PLIN3: variants seen among roughly 807,000 people sequenced by gnomAD.
PLIN3 encodes the protein perilipin 3.
PLIN3 carries 30 observed loss-of-function variants against 35.9 expected under a neutral mutation model. The ratio of observed to expected loss-of-function variants is 0.84; its 90% CI spans 0.62 to 1.13. PLIN3 has a LOEUF of 1.13. PLIN3 is among the 50% of genes most tolerant of loss of function. PLIN3 has a pLI of 0.00. For missense variants in PLIN3, 603 were observed against 596.9 expected (o/e 1.01, Z -0.11); for synonymous variants, 261 against 262.5 (o/e 0.99, Z 0.06).
chr19:4,857,017 T>C (rs10421386), intron 4 of PLIN3, among the ~76,000 whole-genome samples: 94,835 of 151,862 alleles, frequency 0.62, 30,113 homozygotes, highest in East Asian at 0.83. Flanking sequence ...TGCCTCATTT[T>C]TTCATCCCAG....
chr19:4,860,209 TTTTTA>T (rs1317923650), intron 2 of PLIN3, among the ~76,000 whole-genome samples, 185 bp from the exon 3 acceptor site: 1 of 151,888 alleles, frequency 6.6e-6, no homozygotes, highest in Non-Finnish European at 1.5e-5. Flanking sequence ...GCTTCCTTTA[TTTTTA>T]TTTTATTTTT....
chr19:4,863,585 G>A (rs1404786769), intron 1 of PLIN3, among the ~76,000 whole-genome samples: 4 of 150,692 alleles, frequency 2.7e-5, no homozygotes, highest in Middle Eastern at 3.6e-3. Context: ...TTGGGAGGCC[G>A]AGGCAGGAGG....
intron 6 of PLIN3, among the ~76,000 whole-genome samples, chr19:4,845,695 C>T (rs934267254): frequency 2.0e-5 from 3 of 151,860 alleles, no homozygotes; most frequent in Admixed American, 1.3e-4. Flanking sequence ...GAGGCCGAGG[C>T]GGGTGGATCA....
At position 4,859,919 on chromosome 19, in the gene PLIN3, T is replaced by G; in HGVS notation, c.172A>C (p.Thr58Pro). 1 of 1,613,956 alleles carries G rather than the reference T, an allele frequency of 6.2e-7. No homozygotes were observed. The highest frequency in any genetic ancestry group is 8.5e-7 in the Non-Finnish European group (1 of 1,179,978). ...CCCTTCTCTGCTGCGTCGCAGACAG[T>G]CTTGATGTGCGGGTAGCTCTCCTTG... is the stretch of plus-strand genomic sequence containing the variant. Reference protein sequence around the residue: ...STKESYPHIKTVCDAAEKGVR... With the variant: ...STKESYPHIKPVCDAAEKGVR... The change falls in exon 3 of 8, where the codon ACT (threonine) becomes CCT (proline). Residue 58 changes from threonine (T) to proline (P), a missense_variant. Physicochemically the swap from Thr to Pro is conservative, Grantham distance 38. Coordinates refer to ENST00000221957, the MANE Select transcript of PLIN3 (RefSeq NM_005817.5).
intron 5 of PLIN3, among the ~76,000 whole-genome samples, chr19:4,848,180 C>T (rs1450517605): frequency 6.6e-6 from 1 of 152,092 alleles, no homozygotes; most frequent in Non-Finnish European, 1.5e-5. Flanking sequence ...GACGGGGTTT[C>T]ACCATGTTGG....
At chr19:4,860,070 G>A (rs1411761337) in intron 2 of PLIN3, 46 bp from the exon 3 acceptor site, 1 of 1,578,712 alleles carries the variant, frequency 6.3e-7, no homozygotes, top group Non-Finnish European at 8.7e-7. Flanking sequence ...GGGAAGATGG[G>A]GAGCTCAGCC....
chr19:4,843,261 C>T (rs1425554539), intron 7 of PLIN3, among the ~76,000 whole-genome samples: 1 of 151,882 alleles, frequency 6.6e-6, no homozygotes, highest in East Asian at 1.9e-4. Context: ...AATCCCAGCA[C>T]TTTGGGAGGC....
chr19:4,858,811 C>T (rs1226522348), intron 4 of PLIN3, among the ~76,000 whole-genome samples: 2 of 148,628 alleles, frequency 1.3e-5, no homozygotes, highest in Non-Finnish European at 3.0e-5. Flanking sequence ...AAGAAATTCT[C>T]CTGCCTCAGC....
At chr19:4,865,619 C>T (rs529973744) in intron 1 of PLIN3, among the ~76,000 whole-genome samples, 68 of 152,198 alleles carry the variant, frequency 4.5e-4, no homozygotes, top group Admixed American at 1.8e-3. Flanking sequence ...GAGGCCCCAC[C>T]TCCTGGTGGC....
At chr19:4,840,946 A>AAAAC (rs1016733163) in intron 7 of PLIN3, among the ~76,000 whole-genome samples, 4 of 152,158 alleles carry the variant, frequency 2.6e-5, no homozygotes, top group Admixed American at 1.3e-4. Context: ...CTCTGTCTCA[A>AAAAC]AAACAAACAA....
intron 7 of PLIN3, 29 bp from the exon 8 acceptor site, chr19:4,839,565 G>C (rs1276273173): frequency 1.4e-6 from 2 of 1,463,800 alleles, no homozygotes; most frequent in Non-Finnish European, 1.8e-6. Context: ...ACACCAATCA[G>C]GACCATTTGT....
At chr19:4,849,265 AC>A (rs2030206873) in intron 5 of PLIN3, among the ~76,000 whole-genome samples, 1 of 151,440 alleles carries the variant, frequency 6.6e-6, no homozygotes, top group African/African-American at 2.4e-5. Flanking sequence ...GAGCCATTGC[AC>A]CTGGCTTCCT....
intron 2 of PLIN3, 30 bp from the exon 3 acceptor site, chr19:4,860,054 G>T: frequency 6.2e-7 from 1 of 1,605,810 alleles, no homozygotes; most frequent in Non-Finnish European, 8.5e-7. Flanking sequence ...CAGGCAAACT[G>T]GGTGGGGGAA....
intron 4 of PLIN3, among the ~76,000 whole-genome samples, chr19:4,853,000 G>A (rs536417483): frequency 5.3e-4 from 80 of 152,138 alleles, no homozygotes; most frequent in African/African-American, 1.9e-3. Flanking sequence ...TTTTAGTAGA[G>A]ATGGGGTTTC....
At chr19:4,841,327 A>G (rs72981887) in intron 7 of PLIN3, among the ~76,000 whole-genome samples, 8,722 of 152,180 alleles carry the variant, frequency 0.057, 395 homozygotes, top group Middle Eastern at 0.13. Flanking sequence ...GGTGAGCCCT[A>G]AGGACGTCAC....
chr19:4,866,979 G>A (rs996644678), intron 1 of PLIN3: 1 of 152,456 alleles, frequency 6.6e-6, no homozygotes, highest in Non-Finnish European at 1.5e-5. Context: ...AAGGGCCCCA[G>A]GTCCCACTGC....
intron 2 of PLIN3, among the ~76,000 whole-genome samples, chr19:4,860,460 C>T (rs1297339028): frequency 6.6e-6 from 1 of 151,970 alleles, no homozygotes; most frequent in African/African-American, 2.4e-5. Flanking sequence ...ACCTCAGCCT[C>T]CCAAAGTGCT....
Position 4,859,998 on chromosome 19 carries a change from G to A in PLIN3, c.93C>T (p.Ser31=), listed in dbSNP as rs2030619430. The A allele has an allele frequency of 1.9e-6, 3 of 1,614,128 alleles. No homozygotes were observed. Among genetic ancestry groups the A allele is most frequent in the Non-Finnish European group, 2.5e-6 (3 of 1,180,030 alleles). ...CGCAGGTGGAGCTGATCAGAGGCATGCTGGCCACACGGTCCACCACACTGG... is the reference window on the plus strand; with the variant it reads ...CGCAGGTGGAGCTGATCAGAGGCATACTGGCCACACGGTCCACCACACTGG... ...QQPSVVDRVA[S]MPLISSTCDM... Residue 31 remains serine (S), a synonymous_variant, in exon 3 of 8, where the codon AGC becomes AGT. Coordinates refer to ENST00000221957, the MANE Select transcript of PLIN3 (RefSeq NM_005817.5).
rs561363827 is a variant in PLIN3, at chr19:4,855,701, C to T, written c.349-3400G>A. On this transcript the variant is annotated intron_variant, in intron 4 of 7. Coordinates refer to ENST00000221957, the MANE Select transcript of PLIN3 (RefSeq NM_005817.5). ...GGGATTACAGGCGTGAGCCACCGTG[C>T]CTGGCTAGCCTGGGAGTTTGAGACC... Among the ~76,000 whole-genome samples, 4 of 152,110 alleles carry T rather than the reference C, an allele frequency of 2.6e-5. No homozygotes were observed. In the South Asian group the frequency reaches 8.3e-4, roughly 32 times the overall value.
Sources: gnomAD v4.1 joint callset for allele counts (sites outside exome capture counted in the v4.1 genomes callset) on GRCh38, gnomAD v4.1.1 for gene constraint, MANE v1.5 for transcripts, NCBI Gene and HGNC (gene_info 2026-07-23, HGNC 2026-07-21) for gene names.